Variants in ZNF546 observed in about 807,000 individuals in gnomAD.
ZNF546 encodes the protein CTC-471F3.6.
Under a neutral mutation model 76.2 loss-of-function variants are expected in ZNF546, and 60 were observed. That is an observed-to-expected ratio of 0.79 (90% CI 0.64 to 0.98). ZNF546 has a LOEUF of 0.98. Among genes scored for constraint, ZNF546 ranks in the 50% least tolerant of loss-of-function variants. ZNF546 has a pLI of 0.00. For missense variants in ZNF546, 936 were observed against 1,035.6 expected (o/e 0.90, Z 1.32); for synonymous variants, 277 against 328.1 (o/e 0.84, Z 1.68).
intron 3 of ZNF546, among the ~76,000 whole-genome samples, chr19:40,002,138 A>G (rs561452193): frequency 2.0e-5 from 3 of 152,214 alleles, no homozygotes; most frequent in Non-Finnish European, 2.9e-5. Context: ...TCAGTAACTC[A>G]TCATTGATGT....
Position 40,014,143 on chromosome 19 carries a change from T to C in ZNF546, c.873T>C (p.His291=). The part of the protein sequence containing the change: ...AFRLHYHLTE[H]QRIHSGVKPY... ...GACTTCATTATCACCTTACTGAACA[T>C]CAGAGAATACATTCTGGTGTGAAAC... The change falls in exon 7 of 7, where the codon CAT becomes CAC. Residue 291 remains histidine (H), a synonymous_variant. Transcript: ENST00000347077. 6.2e-7 allele frequency: 1 copy of C among 1,613,982 alleles called. No homozygotes were observed. Among genetic ancestry groups the C allele is most frequent in the Non-Finnish European group, 8.5e-7 (1 of 1,179,944 alleles).
intron 3 of ZNF546, among the ~76,000 whole-genome samples, chr19:39,998,834 A>G (rs1971489704): frequency 6.6e-6 from 1 of 152,090 alleles, no homozygotes; most frequent in South Asian, 2.1e-4. Context: ...GTGCAATGGC[A>G]TGAACTCGGC....
chr19:40,018,551 A>T lies in ZNF546; in HGVS notation c.*2770A>T, dbSNP rs1316291305. 2 of 151,982 alleles carry T rather than the reference A, an allele frequency of 1.3e-5. No homozygotes were observed. The highest frequency in any genetic ancestry group is 1.5e-5 in the Non-Finnish European group (1 of 68,004). The allele number at this position is 151,982 out of a possible 1,614,324, so 9.4% of individuals were successfully genotyped here. A position where few individuals can be genotyped will look rare whatever the true frequency, so the allele number is the denominator to read the frequency against. On this transcript the variant is annotated 3_prime_UTR_variant, in exon 7 of 7. Coordinates refer to ENST00000347077, the MANE Select transcript of ZNF546 (RefSeq NM_178544.5). ...GTTCATCTTACAATGTGATACCAAC[A>T]CTCCCCAAGAGGTAGAGCTCATGGT...
chr19:40,003,999 G>A (rs1971564176), intron 3 of ZNF546, among the ~76,000 whole-genome samples: 4 of 139,032 alleles, frequency 2.9e-5, no homozygotes, highest in African/African-American at 1.2e-4. Context: ...GTGACAGAGT[G>A]AGACTCTATC....
At chr19:40,013,121 A>G (rs1971693163) in intron 6 of ZNF546, among the ~76,000 whole-genome samples, 1 of 152,044 alleles carries the variant, frequency 6.6e-6, no homozygotes, top group African/African-American at 2.4e-5. Context: ...CCTATTTTAC[A>G]ATTCTTAAAA....
chr19:40,003,297 A>G (rs975147094), intron 3 of ZNF546, among the ~76,000 whole-genome samples: 2 of 152,088 alleles, frequency 1.3e-5, no homozygotes, highest in African/African-American at 4.8e-5. Flanking sequence ...TCGGCCTCCC[A>G]AAGTGCTGGG....
rs995197083 is a variant in ZNF546, at chr19:40,017,138, T to G, written c.*1357T>G. ...TTGGAATAATTAACTGGAGATAATA[T>G]CCAGTAAAATAGATTAAACTTCCAT... On this transcript the variant is annotated 3_prime_UTR_variant, in exon 7 of 7. Transcript: ENST00000347077. 6.6e-6 allele frequency: 1 copy of G among 152,174 alleles called. No homozygotes were observed. The highest frequency in any genetic ancestry group is 2.4e-5 in the African/African-American group (1 of 41,444). The allele number at this position is 152,174 out of a possible 1,614,324, so 9.4% of individuals were successfully genotyped here.
chr19:40,004,115 T>A (rs374895951), intron 3 of ZNF546, among the ~76,000 whole-genome samples: 3 of 138,514 alleles, frequency 2.2e-5, no homozygotes, highest in African/African-American at 9.1e-5. Flanking sequence ...ATATTATATA[T>A]ATAACTATAT....
intron 5 of ZNF546, among the ~76,000 whole-genome samples, chr19:40,007,640 T>G (rs1211584630): frequency 1.3e-5 from 2 of 152,152 alleles, no homozygotes; most frequent in Non-Finnish European, 2.9e-5. Context: ...CTAAATAATT[T>G]CCAGGTTTGA....
chr19:40,016,216 T>G lies in ZNF546; in HGVS notation c.*435T>G, dbSNP rs758066540. ...CTTGGTGACAGAGTGAGATCCTGTCTCTAAATAAATAAATAAAATGCGGGC... is the reference window on the plus strand; with the variant it reads ...CTTGGTGACAGAGTGAGATCCTGTCGCTAAATAAATAAATAAAATGCGGGC... On this transcript the variant is annotated 3_prime_UTR_variant, in exon 7 of 7. Transcript: ENST00000347077. 1.1e-5 allele frequency: 2 copies of G among 184,868 alleles called. No individual in the cohort carries two copies. Among genetic ancestry groups the G allele is most frequent in the Non-Finnish European group, 2.3e-5 (2 of 88,320 alleles). The allele number at this position is 184,868 out of a possible 1,614,324, so 11.5% of individuals were successfully genotyped here. A position where few individuals can be genotyped will look rare whatever the true frequency, so the allele number is the denominator to read the frequency against.
chr19:40,004,531 C>T (rs915136562), intron 3 of ZNF546, among the ~76,000 whole-genome samples: 2 of 152,052 alleles, frequency 1.3e-5, no homozygotes, highest in African/African-American at 2.4e-5. Flanking sequence ...GGCCTCCCAG[C>T]GTGCTAGGAT....
intron 6 of ZNF546, among the ~76,000 whole-genome samples, chr19:40,009,328 T>C (rs1332076147): frequency 6.6e-6 from 1 of 152,244 alleles, no homozygotes; most frequent in East Asian, 1.9e-4. Context: ...CAATTGTTTT[T>C]GTGTTCAGAT....
chr19:39,998,657 G>T, intron 3 of ZNF546: 1 of 453,202 alleles, frequency 2.2e-6, no homozygotes, highest in Non-Finnish European at 3.9e-6. Flanking sequence ...AACATGAGCA[G>T]GGATTTTTTT....
rs1444607735 is a variant in ZNF546, at chr19:40,018,054, A to C, written c.*2273A>C. The C allele has an allele frequency of 7.1e-6, 1 of 141,794 alleles. No homozygotes were observed. The highest frequency in any genetic ancestry group is 2.1e-4 in the East Asian group (1 of 4,772). 8.8% of individuals were successfully genotyped at this position (141,794 alleles called of 1,614,324 possible). ...AGTGGTGCGATCTTGGCTCACTGCA[A>C]GCTCCGCCTCCCGGGTTCAGGCAAT... On this transcript the variant is annotated 3_prime_UTR_variant, in exon 7 of 7. Coordinates refer to ENST00000347077, the MANE Select transcript of ZNF546 (RefSeq NM_178544.5).
At position 39,998,368 on chromosome 19, in the gene ZNF546, T is replaced by A; in HGVS notation, c.42T>A (p.Phe14Leu). The A allele has an allele frequency of 5.0e-6, 8 of 1,614,216 alleles. No homozygotes were observed. The highest frequency in any genetic ancestry group is 6.8e-6 in the Non-Finnish European group (8 of 1,180,020). Residue 14 changes from phenylalanine (F) to leucine (L), a missense_variant, in exon 3 of 7, where the codon TTT becomes TTA. By Grantham distance (22) the Phe-to-Leu change is conservative. Coordinates refer to ENST00000347077, the MANE Select transcript of ZNF546 (RefSeq NM_178544.5). ...DPPLHGPPND[F>L]LIFQIIPLHS... ...CTCTTCACGGGCCTCCAAATGACTT[T>A]CTCATTTTTCAAATCATTCCTCTGC...
intron 6 of ZNF546, 78 bp downstream of exon 6, chr19:40,008,643 A>C: frequency 8.5e-7 from 1 of 1,169,792 alleles, no homozygotes; most frequent in Non-Finnish European, 1.2e-6. Flanking sequence ...CACAGCACTG[A>C]GTTGTTTGGA....
intron 3 of ZNF546, among the ~76,000 whole-genome samples, chr19:40,001,830 T>C (rs1971534880): frequency 6.6e-6 from 1 of 152,240 alleles, no homozygotes; most frequent in African/African-American, 2.4e-5. Flanking sequence ...TAAAATGATT[T>C]TATTTAATAG....
chr19:39,998,456 A>G (rs1334371709), intron 3 of ZNF546, 46 bp downstream of exon 3: 1 of 1,475,542 alleles, frequency 6.8e-7, no homozygotes, highest in Admixed American at 1.7e-5. Context: ...ACTTTGTTTT[A>G]TTGAGATTAA....
chr19:40,009,650 C>A lies in ZNF546; in HGVS notation c.394+1085C>A, dbSNP rs529508019. Among the ~76,000 whole-genome samples, 39 of 152,278 alleles carry A rather than the reference C, an allele frequency of 2.6e-4. No homozygotes were observed. In the South Asian group the frequency reaches 7.5e-3, roughly 29 times the overall value. On this transcript the variant is annotated intron_variant, in intron 6 of 6. Transcript: ENST00000347077. Reference sequence around the variant, plus strand: ...CAAAAGAAATCCCTCCCTCATGTCCCTCTCTACCCACTGCCCAGGTAAGCA... The same window carrying A: ...CAAAAGAAATCCCTCCCTCATGTCCATCTCTACCCACTGCCCAGGTAAGCA...
Sources: allele counts gnomAD v4.1 joint callset (sites outside exome capture counted in the v4.1 genomes callset), GRCh38; gene constraint gnomAD v4.1.1; transcripts MANE v1.5; gene names NCBI Gene and HGNC (gene_info 2026-07-23, HGNC 2026-07-21).